The following NCOA2 variants were observed in gnomAD, a reference collection of about 807,000 sequenced individuals.
The protein encoded by NCOA2 is nuclear receptor coactivator 2.
A neutral mutation model predicts 145.1 loss-of-function variants in NCOA2; 21 were observed. That is an observed-to-expected ratio of 0.14 (90% CI 0.10 to 0.21). NCOA2 has a LOEUF of 0.21. Among genes scored for constraint, NCOA2 ranks in the 10% least tolerant of loss-of-function variants. NCOA2 has a pLI of 1.00. For synonymous variants in NCOA2, 619 were observed against 637.5 expected (o/e 0.97, Z 0.44); for missense variants, 1,472 against 1,837.6 (o/e 0.80, Z 3.64).
chr8:70,454,484 C>G, the NCOA2 span, among the ~76,000 whole-genome samples: 1 of 152,166 alleles, frequency 6.6e-6, no homozygotes, highest in Non-Finnish European at 1.5e-5. Context: ...GTCCCTAACT[C>G]CTAAAAATCT....
intron 1 of NCOA2, among the ~76,000 whole-genome samples, chr8:70,378,109 C>G (rs538118960): frequency 2.6e-5 from 4 of 152,176 alleles, no homozygotes; most frequent in East Asian, 3.9e-4. Flanking sequence ...GTAACATAGG[C>G]TTAAGAGATA....
the NCOA2 span, among the ~76,000 whole-genome samples, chr8:70,431,813 A>T: frequency 2.6e-5 from 4 of 152,258 alleles, no homozygotes; most frequent in African/African-American, 9.6e-5. Flanking sequence ...CTGTTTACAT[A>T]GTGTTGAAAG....
chr8:70,177,549 C>T (rs1343742611), intron 4 of NCOA2, among the ~76,000 whole-genome samples: 1 of 152,008 alleles, frequency 6.6e-6, no homozygotes, highest in Middle Eastern at 3.2e-3. Flanking sequence ...CACAGGACCT[C>T]CAGGGTAGAG....
At chr8:70,290,702 T>TA (rs924082232) in intron 2 of NCOA2, among the ~76,000 whole-genome samples, 11 of 151,780 alleles carry the variant, frequency 7.2e-5, no homozygotes, top group African/African-American at 1.9e-4. Flanking sequence ...CACAGTAAAA[T>TA]AAAAAAAACT....
chr8:70,311,316 G>A (rs1296425940), intron 1 of NCOA2, among the ~76,000 whole-genome samples: 1 of 152,092 alleles, frequency 6.6e-6, no homozygotes, highest in Non-Finnish European at 1.5e-5. Context: ...CTAAATGTCA[G>A]TATCGCACAG....
chr8:70,301,772 C>CTA (rs1256753070), intron 1 of NCOA2, among the ~76,000 whole-genome samples: 2 of 150,226 alleles, frequency 1.3e-5, no homozygotes, highest in East Asian at 3.9e-4. Flanking sequence ...AAAGAGATGA[C>CTA]TAAACAAAAG....
At chr8:70,121,859 T>C (rs1563478914) in intron 21 of NCOA2, among the ~76,000 whole-genome samples, 1 of 152,250 alleles carries the variant, frequency 6.6e-6, no homozygotes, top group Non-Finnish European at 1.5e-5. Context: ...TCTGACCAAA[T>C]GGACTATTCA....
the NCOA2 span, chr8:70,424,501 A>G: frequency 1.9e-6 from 1 of 527,732 alleles, no homozygotes; most frequent in Non-Finnish European, 3.8e-6. Flanking sequence ...GGCAAAGGCT[A>G]TTTTCTGCCA....
chr8:70,384,887 C>T (rs1436650138), intron 1 of NCOA2, among the ~76,000 whole-genome samples: 3 of 152,136 alleles, frequency 2.0e-5, no homozygotes, highest in Non-Finnish European at 4.4e-5. Context: ...CCATTGAGAA[C>T]CATTGAATCA....
the NCOA2 span, among the ~76,000 whole-genome samples, chr8:70,417,006 A>T: frequency 6.6e-6 from 1 of 152,192 alleles, no homozygotes; most frequent in African/African-American, 2.4e-5. Flanking sequence ...AAAGGAAAGA[A>T]AACAAGATAT....
chr8:70,403,297 G>A (rs1814542266), intron 1 of NCOA2, among the ~76,000 whole-genome samples: 1 of 151,234 alleles, frequency 6.6e-6, no homozygotes. Context: ...CGGGGCGGGG[G>A]CCGCGCCCGC....
Position 70,217,664 on chromosome 8 carries a change from A to C in NCOA2, c.-19-900T>G, listed in dbSNP as rs554507956. ...AAAATCAGTGTGCTCGTCATCACTAACATAATCAAAATAATATTTAGGTAA... is the reference window on the plus strand; with the variant it reads ...AAAATCAGTGTGCTCGTCATCACTACCATAATCAAAATAATATTTAGGTAA... On this transcript the variant is annotated intron_variant, in intron 2 of 22. Coordinates refer to ENST00000452400, the MANE Select transcript of NCOA2 (RefSeq NM_006540.4). Among the ~76,000 whole-genome samples, 5 of 152,312 alleles carry C rather than the reference A, an allele frequency of 3.3e-5. No individual in the cohort carries two copies. In the South Asian group the frequency reaches 1.0e-3, roughly 32 times the overall value.
intron 1 of NCOA2, among the ~76,000 whole-genome samples, chr8:70,354,193 G>A (rs1015195965): frequency 1.3e-5 from 2 of 152,080 alleles, no homozygotes; most frequent in African/African-American, 4.8e-5. Context: ...TATCGTTAGG[G>A]CATTGTTTGA....
intron 1 of NCOA2, among the ~76,000 whole-genome samples, chr8:70,386,586 A>G (rs949251545): frequency 6.6e-6 from 1 of 152,244 alleles, no homozygotes; most frequent in Non-Finnish European, 1.5e-5. Context: ...AAGAAACAAT[A>G]GAGAGGGGCC....
At chr8:70,406,408 C>T (rs776671443), upstream of NCOA2, among the ~76,000 whole-genome samples, 18 of 151,540 alleles carry the variant, frequency 1.2e-4, no homozygotes, top group Non-Finnish European at 2.5e-4. Flanking sequence ...GTAGAGGAGG[C>T]GGTAAATAAG....
At chr8:70,326,013 A>C (rs1383012137) in intron 1 of NCOA2, among the ~76,000 whole-genome samples, 4 of 152,060 alleles carry the variant, frequency 2.6e-5, no homozygotes, top group Non-Finnish European at 5.9e-5. Flanking sequence ...ACTACTCCTC[A>C]CCTCTTCACA....
the NCOA2 span, among the ~76,000 whole-genome samples, chr8:70,429,261 C>T: frequency 3.3e-3 from 499 of 152,284 alleles, 4 homozygotes; most frequent in African/African-American, 0.011. Flanking sequence ...GAGCACCAAC[C>T]TTCAAGATTG....
intron 2 of NCOA2, among the ~76,000 whole-genome samples, chr8:70,263,493 T>C (rs1824309428): frequency 6.6e-6 from 1 of 152,080 alleles, no homozygotes. Flanking sequence ...AGGTCATCTT[T>C]TTCACCAAAG....
At chr8:70,257,567 C>A (rs1369961499) in intron 2 of NCOA2, among the ~76,000 whole-genome samples, 2 of 152,200 alleles carry the variant, frequency 1.3e-5, no homozygotes, top group African/African-American at 4.8e-5. Context: ...AGGTGGACAT[C>A]TGAGATGGGG....
Sources: gnomAD v4.1 joint callset for allele counts (sites outside exome capture counted in the v4.1 genomes callset) on GRCh38, gnomAD v4.1.1 for gene constraint, MANE v1.5 for transcripts, NCBI Gene and HGNC (gene_info 2026-07-23, HGNC 2026-07-21) for gene names.